OR1J2: variants seen among roughly 807,000 people sequenced by gnomAD.
OR1J2 encodes olfactory receptor 1J2.
For missense variants in OR1J2, 304 were observed against 246.1 expected, an observed-to-expected ratio of 1.24 and a Z score of -1.57; for synonymous variants, 142 against 99.7, an observed-to-expected ratio of 1.42 and a Z score of -2.52.
In OR1J2 at chr9:122,511,447, G is replaced by T; in HGVS notation, c.646G>T (p.Val216Leu). 2.6e-6 allele frequency: 2 copies of T among 778,680 alleles called. No homozygotes were observed. The highest frequency in any genetic ancestry group is 4.8e-5 in the East Asian group (2 of 41,238). 48.2% of individuals were successfully genotyped at this position (778,680 alleles called of 1,614,324 possible). Residue 216 changes from valine to leucine, a missense_variant, in exon 1 of 1, where the codon GTA becomes TTA. Transcript: ENST00000335302. ...VITLPFMCIL[V>L]SYGYIGATIL... ...TACCCTGCCATTCATGTGTATCCTG[G>T]TATCATATGGCTACATTGGGGCCAC...
chr9:122,472,442 C>A, the OR1J2 span, among the ~76,000 whole-genome samples: 2 of 152,238 alleles, frequency 1.3e-5, no homozygotes, highest in Non-Finnish European at 2.9e-5. Context: ...TAAGACCCAA[C>A]TGGCAAATTT....
At chr9:122,575,821 C>T in the OR1J2 span, among the ~76,000 whole-genome samples, 1 of 152,290 alleles carries the variant, frequency 6.6e-6, no homozygotes, top group East Asian at 1.9e-4. Flanking sequence ...AACTGGTTCT[C>T]ATGTTGTACA....
the OR1J2 span, chr9:122,553,652 G>A: frequency 6.2e-7 from 1 of 1,614,086 alleles, no homozygotes; most frequent in Non-Finnish European, 8.5e-7. Context: ...GTGCACTAAT[G>A]CTGGGTGTGT....
chr9:122,580,385 C>A, the OR1J2 span, among the ~76,000 whole-genome samples: 1 of 152,076 alleles, frequency 6.6e-6, no homozygotes, highest in African/African-American at 2.4e-5. Context: ...GAATGAATGC[C>A]GAGTGCCAAT....
the OR1J2 span, among the ~76,000 whole-genome samples, chr9:122,481,108 A>G: frequency 6.6e-6 from 1 of 152,058 alleles, no homozygotes; most frequent in African/African-American, 2.4e-5. Flanking sequence ...CCACCCTCTA[A>G]AAGGCCCTAG....
At chr9:122,482,285 T>C in the OR1J2 span, among the ~76,000 whole-genome samples, 1 of 152,094 alleles carries the variant, frequency 6.6e-6, no homozygotes, top group Non-Finnish European at 1.5e-5. Flanking sequence ...ATATAACTAA[T>C]TATTAAGGAA....
chr9:122,553,561 T>G, the OR1J2 span: 1 of 1,614,154 alleles, frequency 6.2e-7, no homozygotes, highest in South Asian at 1.1e-5. Flanking sequence ...GACAACTGCC[T>G]GCTGGCTGTG....
At chr9:122,477,937 G>C in the OR1J2 span, 7 of 1,564,886 alleles carry the variant, frequency 4.5e-6, no homozygotes, top group East Asian at 1.4e-4. Context: ...GTTTATATCA[G>C]CTGGAGGGCA....
At chr9:122,548,867 A>G in the OR1J2 span, among the ~76,000 whole-genome samples, 1 of 151,380 alleles carries the variant, frequency 6.6e-6, no homozygotes, top group Non-Finnish European at 1.5e-5. Flanking sequence ...TCTGAACATT[A>G]GTCTTCTGTC....
At chr9:122,512,632 C>G (rs1169694786), downstream of OR1J2, among the ~76,000 whole-genome samples, 1 of 152,124 alleles carries the variant, frequency 6.6e-6, no homozygotes, top group Non-Finnish European at 1.5e-5. Flanking sequence ...TGGTAAATTC[C>G]TCTCCCCAGT....
At chr9:122,503,818 G>T in the OR1J2 span, among the ~76,000 whole-genome samples, 1 of 152,306 alleles carries the variant, frequency 6.6e-6, no homozygotes, top group East Asian at 1.9e-4. Flanking sequence ...CAGGTATACT[G>T]CACAATAACT....
upstream of OR1J2, among the ~76,000 whole-genome samples, chr9:122,508,738 T>C (rs186598168): frequency 2.6e-5 from 4 of 152,302 alleles, no homozygotes; most frequent in East Asian, 7.7e-4. Context: ...CCTGAAGTCT[T>C]TCCAGTGCTG....
chr9:122,577,185 T>A, the OR1J2 span, among the ~76,000 whole-genome samples: 4 of 152,242 alleles, frequency 2.6e-5, no homozygotes, highest in Non-Finnish European at 4.4e-5. Flanking sequence ...AGTCTTTTTT[T>A]TAACCTCTAA....
chr9:122,560,969 A>G, the OR1J2 span, among the ~76,000 whole-genome samples: 31 of 152,278 alleles, frequency 2.0e-4, no homozygotes, highest in African/African-American at 7.5e-4. Flanking sequence ...ACTCCAATCA[A>G]TCATAGGTTC....
the OR1J2 span, chr9:122,554,286 TG>T: frequency 3.2e-6 from 2 of 622,376 alleles, no homozygotes; most frequent in Middle Eastern, 3.5e-4. Context: ...GAGTTAGGGA[TG>T]TAAAAAAAAA....
At chr9:122,565,332 T>A in the OR1J2 span, among the ~76,000 whole-genome samples, 1 of 152,190 alleles carries the variant, frequency 6.6e-6, no homozygotes, top group Non-Finnish European at 1.5e-5. Context: ...AAGCATGACC[T>A]CAGAAGGGGA....
the OR1J2 span, among the ~76,000 whole-genome samples, chr9:122,448,019 TAGAG>T: frequency 6.6e-6 from 1 of 152,038 alleles, no homozygotes; most frequent in African/African-American, 2.4e-5. Flanking sequence ...AGACAAAGTA[TAGAG>T]AAAGAACAGT....
chr9:122,472,349 C>G, the OR1J2 span, among the ~76,000 whole-genome samples: 1 of 152,212 alleles, frequency 6.6e-6, no homozygotes, highest in African/African-American at 2.4e-5. Context: ...CAAATGTGGG[C>G]CATCTGGCCA....
At chr9:122,481,968 CAA>C in the OR1J2 span, among the ~76,000 whole-genome samples, 2 of 151,980 alleles carry the variant, frequency 1.3e-5, no homozygotes, top group African/African-American at 4.8e-5. Flanking sequence ...ATTTTTTTGA[CAA>C]GAGCTCAAAA....
Sources: gnomAD v4.1 joint callset for allele counts (sites outside exome capture counted in the v4.1 genomes callset) on GRCh38, gnomAD v4.1.1 for gene constraint, MANE v1.5 for transcripts, NCBI Gene and HGNC (gene_info 2026-07-23, HGNC 2026-07-21) for gene names.